Variants in EGLN1 observed in about 807,000 individuals in gnomAD.
The protein encoded by EGLN1 is egl-9 family hypoxia inducible factor 1.
EGLN1 carries 17 observed loss-of-function variants against 38.3 expected under a neutral mutation model. That is an observed-to-expected ratio of 0.44 (90% CI 0.30 to 0.67). The LOEUF (loss-of-function observed/expected upper bound fraction) is 0.67, where lower values mean the gene tolerates loss of function less well. Ranked by LOEUF, EGLN1 falls within the 30% of genes least tolerant of loss-of-function variation. EGLN1 has a pLI of 0.08. For synonymous variants in EGLN1, 283 were observed against 257.5 expected, an observed-to-expected ratio of 1.10 and a Z score of -0.95; for missense variants, 477 against 603.3, an observed-to-expected ratio of 0.79 and a Z score of 2.19.
chr1:231,385,651 G>C (rs555670625), intron 1 of EGLN1, among the ~76,000 whole-genome samples: 134 of 152,108 alleles, frequency 8.8e-4, no homozygotes, highest in Middle Eastern at 3.2e-3. Flanking sequence ...GGTTTTAGTG[G>C]GTAACAGGGA....
intron 1 of EGLN1, among the ~76,000 whole-genome samples, chr1:231,411,909 G>A (rs902010221): frequency 1.3e-5 from 2 of 148,986 alleles, no homozygotes; most frequent in South Asian, 2.1e-4. Context: ...TGAGGGAGGA[G>A]AATCACTTGA....
intron 1 of EGLN1, among the ~76,000 whole-genome samples, chr1:231,398,605 TCTA>T (rs1688589465): frequency 6.6e-6 from 1 of 152,172 alleles, no homozygotes; most frequent in Non-Finnish European, 1.5e-5. Context: ...GCCCAAACTA[TCTA>T]CTATTTGACT....
chr1:231,412,615 C>T (rs912577751), intron 1 of EGLN1, among the ~76,000 whole-genome samples: 7 of 152,164 alleles, frequency 4.6e-5, no homozygotes, highest in Non-Finnish European at 1.0e-4. Context: ...ACTGGTAGAG[C>T]TGATACAAGC....
rs1687565233 is a variant in EGLN1, at chr1:231,363,886, T to G, written c.*2525A>C. Reference sequence around the variant, plus strand: ...TATCTGTATATGAATCCTGAAAATCTTTGCCTACTCTTGATAAAGGTCTGT... The same window carrying G: ...TATCTGTATATGAATCCTGAAAATCGTTGCCTACTCTTGATAAAGGTCTGT... On this transcript the variant is annotated 3_prime_UTR_variant, in exon 5 of 5. Transcript: ENST00000366641. 6.6e-6 allele frequency: 1 copy of G among 152,210 alleles called. No individual in the cohort carries two copies. Among genetic ancestry groups the G allele is most frequent in the Non-Finnish European group, 1.5e-5 (1 of 68,034 alleles). The allele number at this position is 152,210 out of a possible 1,614,324, so 9.4% of individuals were successfully genotyped here.
intron 1 of EGLN1, among the ~76,000 whole-genome samples, chr1:231,384,501 G>A (rs967021448): frequency 1.3e-5 from 2 of 152,044 alleles, no homozygotes; most frequent in African/African-American, 4.8e-5. Flanking sequence ...TGACATTTAA[G>A]AAGAAATGAA....
intron 1 of EGLN1, among the ~76,000 whole-genome samples, chr1:231,377,855 A>G (rs114293923): frequency 0.015 from 2,256 of 152,286 alleles, 55 homozygotes; most frequent in African/African-American, 0.051. Flanking sequence ...GCTGTTTCCT[A>G]TACAGTATTT....
chr1:231,380,706 A>G (rs1479115705), intron 1 of EGLN1, among the ~76,000 whole-genome samples: 3 of 152,174 alleles, frequency 2.0e-5, no homozygotes, highest in Admixed American at 6.5e-5. Context: ...GTATGAGTGC[A>G]CACATCTTTT....
At chr1:231,409,585 C>T (rs940853871) in intron 1 of EGLN1, among the ~76,000 whole-genome samples, 2 of 152,168 alleles carry the variant, frequency 1.3e-5, no homozygotes, top group Non-Finnish European at 2.9e-5. Flanking sequence ...CAAGAGGAAA[C>T]TTCAGTCTTA....
intron 1 of EGLN1, among the ~76,000 whole-genome samples, chr1:231,399,027 A>G (rs534430529): frequency 3.8e-4 from 58 of 152,346 alleles, no homozygotes; most frequent in African/African-American, 1.3e-3. Flanking sequence ...TAAAATGCCA[A>G]TAAGACATAC....
chr1:231,395,433 A>G (rs1317380179), intron 1 of EGLN1, among the ~76,000 whole-genome samples: 1 of 152,158 alleles, frequency 6.6e-6, no homozygotes, highest in Non-Finnish European at 1.5e-5. Context: ...CTTAGTAAGT[A>G]TTTTAAGTTC....
intron 1 of EGLN1, among the ~76,000 whole-genome samples, chr1:231,404,442 C>A (rs1338341462): frequency 6.6e-6 from 1 of 151,930 alleles, no homozygotes; most frequent in African/African-American, 2.4e-5. Flanking sequence ...GCAATATCAA[C>A]AAACTGTAAA....
chr1:231,375,901 C>A (rs1687946479), intron 1 of EGLN1, among the ~76,000 whole-genome samples: 1 of 152,144 alleles, frequency 6.6e-6, no homozygotes, highest in Non-Finnish European at 1.5e-5. Flanking sequence ...AAGGGGGAAA[C>A]CTGAACTCTA....
rs1258825907 is a variant in EGLN1, at chr1:231,421,343, G to A, written c.546C>T (p.Asn182=). 1.2e-6 allele frequency: 2 copies of A among 1,610,848 alleles called. No individual in the cohort carries two copies. Among genetic ancestry groups the A allele is most frequent in the South Asian group, 1.1e-5 (1 of 90,944 alleles). The change falls in exon 1 of 5, where the codon AAC becomes AAT. Residue 182 remains asparagine (N), a synonymous_variant. Transcript: ENST00000366641. The surrounding 1 kb of genome is among the most constrained non-coding windows in gnomAD (Gnocchi z 5.5). The part of the protein sequence containing the change: ...ALSPGGGLRP[N]GQTKPLPALK... The stretch of plus-strand genomic sequence containing the variant: ...GCGCCGGCAGGGGCTTCGTCTGCCC[G>A]TTGGGCCGCAGGCCGCCGCCGGGGC...
At chr1:231,386,194 G>A (rs1688201125) in intron 1 of EGLN1, among the ~76,000 whole-genome samples, 1 of 151,962 alleles carries the variant, frequency 6.6e-6, no homozygotes, top group Non-Finnish European at 1.5e-5. Context: ...TTTGTGGCAT[G>A]ATGGACAAAG....
At chr1:231,397,995 T>C (rs1688573567) in intron 1 of EGLN1, among the ~76,000 whole-genome samples, 1 of 152,178 alleles carries the variant, frequency 6.6e-6, no homozygotes, top group Non-Finnish European at 1.5e-5. Flanking sequence ...TATAGGACTG[T>C]ATTGATAACA....
intron 1 of EGLN1, among the ~76,000 whole-genome samples, chr1:231,388,847 A>G (rs11122287): frequency 0.55 from 82,800 of 151,824 alleles, 24,192 homozygotes; most frequent in Non-Finnish European, 0.65. Flanking sequence ...TAGAGACAGG[A>G]TTTCACCATG....
chr1:231,387,252 C>A (rs1688239063), intron 1 of EGLN1, among the ~76,000 whole-genome samples: 1 of 151,428 alleles, frequency 6.6e-6, no homozygotes, highest in Non-Finnish European at 1.5e-5. Flanking sequence ...CACACACACA[C>A]ACACCCCCCT....
chr1:231,406,674 T>A (rs759393727), intron 1 of EGLN1, among the ~76,000 whole-genome samples: 22 of 152,088 alleles, frequency 1.4e-4, no homozygotes, highest in Non-Finnish European at 2.4e-4. Flanking sequence ...AGTTTTGGTA[T>A]GGTTTTTTGG....
chr1:231,387,191 C>A (rs1490385327), intron 1 of EGLN1, among the ~76,000 whole-genome samples: 1 of 151,000 alleles, frequency 6.6e-6, no homozygotes, highest in African/African-American at 2.4e-5. Context: ...GACAACTTGC[C>A]ATTTGCATGA....
Sources: allele counts gnomAD v4.1 joint callset (sites outside exome capture counted in the v4.1 genomes callset), GRCh38; gene constraint gnomAD v4.1.1; non-coding constraint Gnocchi (gnomAD v3.1); transcripts MANE v1.5; gene names NCBI Gene and HGNC (gene_info 2026-07-23, HGNC 2026-07-21).